Variants in RABGAP1L observed in about 807,000 individuals in gnomAD.
RABGAP1L encodes rab GTPase-activating protein 1-like.
RABGAP1L carries 63 observed loss-of-function variants against 137.7 expected under a neutral mutation model. The ratio of observed to expected loss-of-function variants is 0.46; its 90% CI spans 0.37 to 0.56. The LOEUF (loss-of-function observed/expected upper bound fraction) is 0.56. Ranked by LOEUF, RABGAP1L falls within the 20% of genes least tolerant of loss-of-function variation. RABGAP1L has a pLI of 0.00. For synonymous variants in RABGAP1L, 431 were observed against 433.7 expected, an observed-to-expected ratio of 0.99 and a Z score of 0.08; for missense variants, 1,095 against 1,244.0, an observed-to-expected ratio of 0.88 and a Z score of 1.80.
chr1:174,477,592 A>T (rs1658633930), intron 13 of RABGAP1L, among the ~76,000 whole-genome samples: 1 of 152,106 alleles, frequency 6.6e-6, no homozygotes, highest in Non-Finnish European at 1.5e-5. Context: ...CTCATGGGGG[A>T]GAAGTACTGG....
At chr1:174,619,790 T>A (rs1672264643) in intron 13 of RABGAP1L, among the ~76,000 whole-genome samples, 1 of 152,110 alleles carries the variant, frequency 6.6e-6, no homozygotes, top group Non-Finnish European at 1.5e-5. Flanking sequence ...CAGATAACAA[T>A]ATTAACTTTA....
At chr1:174,344,441 G>C (rs897532116) in intron 11 of RABGAP1L, among the ~76,000 whole-genome samples, 1 of 152,162 alleles carries the variant, frequency 6.6e-6, no homozygotes, top group Non-Finnish European at 1.5e-5. Flanking sequence ...GTGTCTAGGA[G>C]TGCTTGTATA....
At chr1:174,174,144 A>G (rs1030328518) in intron 1 of RABGAP1L, among the ~76,000 whole-genome samples, 1 of 151,980 alleles carries the variant, frequency 6.6e-6, no homozygotes, top group Non-Finnish European at 1.5e-5. Context: ...CATACTGATA[A>G]CAAGACAGAT....
At chr1:174,919,359 G>A (rs539879213) in intron 19 of RABGAP1L, among the ~76,000 whole-genome samples, 1 of 152,224 alleles carries the variant, frequency 6.6e-6, no homozygotes, top group African/African-American at 2.4e-5. Context: ...CCTGAAGTGG[G>A]ATGTTTCAAA....
chr1:174,647,561 T>G (rs1675077923), intron 14 of RABGAP1L, among the ~76,000 whole-genome samples: 1 of 152,154 alleles, frequency 6.6e-6, no homozygotes, highest in Admixed American at 6.6e-5. Context: ...AGAAGCCGAG[T>G]TGATCTTGGT....
intron 13 of RABGAP1L, among the ~76,000 whole-genome samples, chr1:174,514,813 A>G (rs1662670811): frequency 6.6e-6 from 1 of 152,152 alleles, no homozygotes; most frequent in Non-Finnish European, 1.5e-5. Context: ...GGCCCTGAGA[A>G]TCTAATTCAG....
At chr1:174,692,564 C>G (rs962702398) in intron 15 of RABGAP1L, among the ~76,000 whole-genome samples, 1 of 152,142 alleles carries the variant, frequency 6.6e-6, no homozygotes, top group Non-Finnish European at 1.5e-5. Context: ...TAGTGATACA[C>G]AAGAAATGCT....
At chr1:174,597,215 G>C (rs1211031718) in intron 13 of RABGAP1L, among the ~76,000 whole-genome samples, 1 of 151,962 alleles carries the variant, frequency 6.6e-6, no homozygotes, top group Non-Finnish European at 1.5e-5. Context: ...TTGTTATCAG[G>C]GTAATACTGC....
intron 19 of RABGAP1L, chr1:174,849,577 A>G (rs1248608038): frequency 5.6e-6 from 2 of 355,736 alleles, no homozygotes; most frequent in East Asian, 1.5e-4. Flanking sequence ...CACAATTAGC[A>G]TTAAACACAT....
intron 10 of RABGAP1L, among the ~76,000 whole-genome samples, chr1:174,287,803 C>G (rs1381161858): frequency 6.6e-6 from 1 of 152,094 alleles, no homozygotes; most frequent in Non-Finnish European, 1.5e-5. Flanking sequence ...TACTCTATAT[C>G]TTTTGATTGA....
At position 174,810,047 on chromosome 1, in the gene RABGAP1L, T is replaced by C. The variant is rs566814746; in HGVS notation, c.2212-1785T>C. On this transcript the variant is annotated intron_variant, in intron 18 of 25. Coordinates refer to ENST00000681986, the MANE Select transcript of RABGAP1L (RefSeq NM_001366446.1). The stretch of plus-strand genomic sequence containing the variant: ...TACCACTGTTAGCCTAGCTCCATTT[T>C]TTGATTACTAATTTGTGGACCTTTG... 7.2e-5 allele frequency among the ~76,000 whole-genome samples: 11 copies of C among 152,334 alleles called. No homozygotes were observed. In the East Asian group the frequency reaches 1.9e-3, roughly 27 times the overall value.
At chr1:174,283,650 G>A (rs1352290442) in intron 10 of RABGAP1L, among the ~76,000 whole-genome samples, 4 of 152,004 alleles carry the variant, frequency 2.6e-5, no homozygotes, top group Admixed American at 6.6e-5. Context: ...GGGACTACAG[G>A]TACCCACCAC....
intron 25 of RABGAP1L, 125 bp from the exon 26 acceptor site, chr1:174,989,724 T>C (rs1671921007): frequency 1.9e-6 from 2 of 1,027,076 alleles, no homozygotes; most frequent in East Asian, 2.6e-5. Flanking sequence ...CAATCTCTCC[T>C]GGGTTTTGTG....
At chr1:174,968,698 A>T (rs1376555844) in intron 20 of RABGAP1L, among the ~76,000 whole-genome samples, 1 of 152,202 alleles carries the variant, frequency 6.6e-6, no homozygotes, top group Non-Finnish European at 1.5e-5. Context: ...CTCACACAAA[A>T]ATAGGTGTTC....
intron 19 of RABGAP1L, among the ~76,000 whole-genome samples, chr1:174,908,770 C>T (rs1472120422): frequency 2.7e-5 from 4 of 150,376 alleles, no homozygotes; most frequent in Admixed American, 1.3e-4. Context: ...CTCAAACTCC[C>T]GAACCTCAGG....
intron 13 of RABGAP1L, among the ~76,000 whole-genome samples, chr1:174,616,350 G>T (rs78353857): frequency 0.021 from 3,257 of 152,320 alleles, 122 homozygotes; most frequent in African/African-American, 0.075. Context: ...TGTTGGGAGA[G>T]AATTTAAACT....
chr1:174,686,648 C>CTTTTTTTTTTTTTTTT (rs533716511), intron 15 of RABGAP1L, among the ~76,000 whole-genome samples: 2 of 105,770 alleles, frequency 1.9e-5, no homozygotes, highest in Non-Finnish European at 4.2e-5. Context: ...ACAAAGCAAT[C>CTTTTTTTTTTTTTTTT]TTTTTTTTTT....
intron 13 of RABGAP1L, among the ~76,000 whole-genome samples, chr1:174,584,676 A>C (rs1668986687): frequency 6.6e-6 from 1 of 152,198 alleles, no homozygotes; most frequent in Non-Finnish European, 1.5e-5. Flanking sequence ...GGTATCTCAG[A>C]TGATAGATAG....
At chr1:174,771,854 A>G (rs1480341066) in intron 18 of RABGAP1L, among the ~76,000 whole-genome samples, 1 of 152,268 alleles carries the variant, frequency 6.6e-6, no homozygotes, top group East Asian at 1.9e-4. Flanking sequence ...TAAGACACCT[A>G]TCATTTATTG....
Sources: gnomAD v4.1 joint callset for allele counts (sites outside exome capture counted in the v4.1 genomes callset) on GRCh38, gnomAD v4.1.1 for gene constraint, MANE v1.5 for transcripts, NCBI Gene and HGNC (gene_info 2026-07-23, HGNC 2026-07-21) for gene names.